GADL1: variants seen among roughly 807,000 people sequenced by gnomAD.
GADL1 encodes the protein GAD like acidic amino acid decarboxylase 1, also known as acidic amino acid decarboxylase GADL1.
In GADL1, 71 loss-of-function variants were observed where a neutral mutation model predicts 69.5. That is an observed-to-expected ratio of 1.02 (90% CI 0.84 to 1.25). The LOEUF is 1.25. Ranked by LOEUF, GADL1 falls within the 50% of genes most tolerant of loss-of-function variation. GADL1 has a pLI of 0.00. For synonymous variants in GADL1, 254 were observed against 214.4 expected (o/e 1.18, Z -1.62); for missense variants, 737 against 631.8 (o/e 1.17, Z -1.79).
intron 1 of GADL1, among the ~76,000 whole-genome samples, chr3:30,881,793 C>T (rs958565055): frequency 5.3e-5 from 8 of 151,922 alleles, no homozygotes; most frequent in Non-Finnish European, 1.0e-4. Context: ...ATTATAGCAG[C>T]ATTAAAAGGT....
rs1225348961 is a variant in GADL1 at position 30,844,372 on chromosome 3, T to C, written c.731+15A>G. The C allele has an allele frequency of 6.2e-7, 1 of 1,605,048 alleles. No homozygotes were observed. The highest frequency in any genetic ancestry group is 8.5e-7 in the Non-Finnish European group (1 of 1,171,710). ...TCCCTCCACCCACCAGGCTTCCAGA[T>C]CCTGTTCCCATTACCTTCCATCTGT... is the stretch of plus-strand genomic sequence containing the variant. On this transcript the variant is annotated intron_variant, in intron 7 of 14. Transcript: ENST00000282538.
chr3:30,772,349 T>A (rs1410082111), intron 14 of GADL1, among the ~76,000 whole-genome samples: 1 of 152,094 alleles, frequency 6.6e-6, no homozygotes, highest in East Asian at 1.9e-4. Flanking sequence ...GTTGGCATAG[T>A]GTACTTATTT....
chr3:30,727,910 C>T lies in GADL1; in HGVS notation c.*332G>A, dbSNP rs115267246. The T allele has an allele frequency of 2.7e-3, 458 of 171,676 alleles. 1 individual carries two copies. The highest frequency in any genetic ancestry group is 0.01 in the African/African-American group (431 of 42,210). 10.6% of individuals were successfully genotyped at this position (171,676 alleles called of 1,614,324 possible). The stretch of plus-strand genomic sequence containing the variant: ...CACTTTGAGAACCACTGCTTTAAAC[C>T]GTTAGTTTATAAGTTCTTTAAAGAG... On this transcript the variant is annotated 3_prime_UTR_variant, in exon 15 of 15. Coordinates refer to ENST00000282538, the MANE Select transcript of GADL1 (RefSeq NM_207359.3).
intron 11 of GADL1, among the ~76,000 whole-genome samples, chr3:30,831,390 G>C (rs895105529): frequency 3.3e-5 from 5 of 151,796 alleles, no homozygotes; most frequent in Admixed American, 6.6e-5. Flanking sequence ...CACCTGCTGT[G>C]TATTACTGAA....
At chr3:30,832,285 G>A (rs1339018972) in intron 11 of GADL1, among the ~76,000 whole-genome samples, 2 of 151,036 alleles carry the variant, frequency 1.3e-5, no homozygotes, top group Non-Finnish European at 3.0e-5. Context: ...CTTAATTCAT[G>A]CCATGAAAAT....
At chr3:30,881,916 G>A (rs1021164077) in intron 1 of GADL1, among the ~76,000 whole-genome samples, 5 of 151,882 alleles carry the variant, frequency 3.3e-5, no homozygotes, top group Admixed American at 1.3e-4. Context: ...TGTCTTGCCT[G>A]TCTACCTTCC....
chr3:30,842,642 T>G (rs78573054), intron 8 of GADL1, among the ~76,000 whole-genome samples: 1 of 151,876 alleles, frequency 6.6e-6, no homozygotes, highest in Non-Finnish European at 1.5e-5. Context: ...AACAACATAA[T>G]GCAAATTATT....
chr3:30,845,517 T>C (rs1221362276), intron 6 of GADL1, among the ~76,000 whole-genome samples: 1 of 152,214 alleles, frequency 6.6e-6, no homozygotes. Flanking sequence ...TTTTTCCTTT[T>C]GTCAGGAGAG....
chr3:30,822,912 C>G (rs1441655751), intron 11 of GADL1, among the ~76,000 whole-genome samples: 1 of 151,988 alleles, frequency 6.6e-6, no homozygotes, highest in Non-Finnish European at 1.5e-5. Context: ...GTAGTCTCTA[C>G]ATATTTTCAG....
chr3:30,768,711 AAG>A (rs1404955909), intron 14 of GADL1, among the ~76,000 whole-genome samples: 5 of 152,264 alleles, frequency 3.3e-5, no homozygotes, highest in Non-Finnish European at 5.9e-5. Context: ...AAGATGAAGA[AAG>A]AAACATTTGA....
chr3:30,813,906 T>C (rs771328776), intron 11 of GADL1, among the ~76,000 whole-genome samples: 5 of 152,206 alleles, frequency 3.3e-5, no homozygotes, highest in Non-Finnish European at 7.3e-5. Flanking sequence ...CAAGGACTTA[T>C]GATAAAATGC....
chr3:30,883,796 T>C (rs777655662), intron 1 of GADL1, among the ~76,000 whole-genome samples: 1 of 152,164 alleles, frequency 6.6e-6, no homozygotes, highest in Non-Finnish European at 1.5e-5. Context: ...TCTTCATTTA[T>C]TTGTGTCTTT....
chr3:30,820,203 A>T (rs1697547015), intron 11 of GADL1, among the ~76,000 whole-genome samples: 1 of 151,976 alleles, frequency 6.6e-6, no homozygotes, highest in African/African-American at 2.4e-5. Flanking sequence ...TAAGGAGTAA[A>T]TTGATAGAAT....
intron 14 of GADL1, among the ~76,000 whole-genome samples, chr3:30,741,112 GTATATATATATA>G (rs67611024): frequency 8.8e-6 from 1 of 113,930 alleles, no homozygotes; most frequent in Admixed American, 9.2e-5. Flanking sequence ...TGTATTCCTA[GTATATATATATA>G]TATATATATA....
chr3:30,859,185 G>T (rs1698277548), intron 2 of GADL1, among the ~76,000 whole-genome samples: 1 of 151,892 alleles, frequency 6.6e-6, no homozygotes, highest in Non-Finnish European at 1.5e-5. Context: ...GCTGTGGAGG[G>T]GAGGAGAGAG....
At chr3:30,741,540 T>C (rs146682350) in intron 14 of GADL1, among the ~76,000 whole-genome samples, 256 of 152,204 alleles carry the variant, frequency 1.7e-3, no homozygotes, top group Non-Finnish European at 3.1e-3. Context: ...ATTTATATAA[T>C]TCTATAATAT....
chr3:30,861,995 A>G (rs1466613099), intron 1 of GADL1, among the ~76,000 whole-genome samples: 2 of 151,930 alleles, frequency 1.3e-5, no homozygotes, highest in Non-Finnish European at 2.9e-5. Flanking sequence ...AATCTACCTT[A>G]TTATATATGT....
Position 30,789,552 on chromosome 3 carries a change from G to A in GADL1, c.1251-3146C>T, listed in dbSNP as rs115974102. The stretch of plus-strand genomic sequence containing the variant: ...AGCCTGTCTTTGAAGCTTTGAAGAC[G>A]GGCATTGACTTCCCTCTGGTCATGA... On this transcript the variant is annotated intron_variant, in intron 12 of 14. Transcript: ENST00000282538. 4.2e-3 allele frequency among the ~76,000 whole-genome samples: 644 copies of A among 152,264 alleles called. 8 individuals carry two copies. The highest frequency in any genetic ancestry group is 3.8e-3 in the Non-Finnish European group (258 of 67,996).
chr3:30,780,019 C>T (rs1262598613), intron 13 of GADL1, among the ~76,000 whole-genome samples: 1 of 152,178 alleles, frequency 6.6e-6, no homozygotes, highest in African/African-American at 2.4e-5. Flanking sequence ...CCATCTACCC[C>T]AGTAGCTTCC....
Sources: allele counts gnomAD v4.1 joint callset (sites outside exome capture counted in the v4.1 genomes callset), GRCh38; gene constraint gnomAD v4.1.1; transcripts MANE v1.5; gene names NCBI Gene and HGNC (gene_info 2026-07-23, HGNC 2026-07-21).